Variants in RAB11FIP3 observed in about 807,000 individuals in gnomAD.
RAB11FIP3 encodes rab11 family-interacting protein 3.
Under a neutral mutation model 77.8 loss-of-function variants are expected in RAB11FIP3, and 17 were observed. The ratio of observed to expected loss-of-function variants is 0.22; its 90% confidence interval spans 0.15 to 0.33. The LOEUF (loss-of-function observed/expected upper bound fraction) is 0.33. Ranked by LOEUF, RAB11FIP3 falls within the 10% of genes least tolerant of loss-of-function variation. The pLI, the probability that RAB11FIP3 is intolerant of heterozygous loss-of-function variation, is 1.00. For missense variants in RAB11FIP3, 1,005 were observed against 1,011.2 expected (o/e 0.99, Z 0.08); for synonymous variants, 437 against 448.2 (o/e 0.98, Z 0.31).
Position 522,993 on chromosome 16 carries a change from A to G in RAB11FIP3, c.*2154A>G, listed in dbSNP as rs1192039054. 1 of 152,330 alleles carries G rather than the reference A, an allele frequency of 6.6e-6. No individual in the cohort carries two copies. Among genetic ancestry groups the G allele is most frequent in the Non-Finnish European group, 1.5e-5 (1 of 68,138 alleles). 9.4% of individuals were successfully genotyped at this position (152,330 alleles called of 1,614,324 possible). A position where few individuals can be genotyped will look rare whatever the true frequency, so the allele number is the denominator to read the frequency against. The stretch of plus-strand genomic sequence containing the variant: ...AACATAGCAAGGCCCCATCTCTAAA[A>G]AATAAAAAATTAACCAGGCATTGTG... On this transcript the variant is annotated 3_prime_UTR_variant, in exon 14 of 14. Transcript: ENST00000262305.
intron 9 of RAB11FIP3, among the ~76,000 whole-genome samples, chr16:511,359 C>T (rs1208216466): frequency 9.4e-6 from 1 of 106,822 alleles, no homozygotes; most frequent in South Asian, 3.7e-4. Flanking sequence ...ACGGCCCGCC[C>T]ACCCCAGAAA....
At position 502,640 on chromosome 16, in the gene RAB11FIP3, C is replaced by T. The variant is rs555080669; in HGVS notation, c.1302-364C>T. ...ATGTCTCACAGGCCTCTGGTAGAGA[C>T]GAGATTGTTCGTGTCTCTGCGAAGA... On this transcript the variant is annotated intron_variant, in intron 6 of 13. Transcript: ENST00000262305. 3.1e-4 allele frequency: 97 copies of T among 312,606 alleles called. 1 individual carries two copies. The highest frequency in any genetic ancestry group is 2.8e-3 in the South Asian group (87 of 30,558). 19.4% of individuals were successfully genotyped at this position (312,606 alleles called of 1,614,324 possible). A position where few individuals can be genotyped will look rare whatever the true frequency, so the allele number is the denominator to read the frequency against.
Position 520,943 on chromosome 16 carries a change from GC to G in RAB11FIP3, c.*107del. 1 of 952,930 alleles carries G rather than the reference GC, an allele frequency of 1.0e-6. No individual in the cohort carries two copies. The highest frequency in any genetic ancestry group is 1.7e-6 in the Non-Finnish European group (1 of 597,438). 59.0% of individuals were successfully genotyped at this position (952,930 alleles called of 1,614,324 possible). ...ACCAGCAGGTCCCACAGCCGACAGT[GC>G]CCAGAGCATGCAGGGAACCCTCGTG... On this transcript the variant is annotated 3_prime_UTR_variant, in exon 14 of 14. Coordinates refer to ENST00000262305, the MANE Select transcript of RAB11FIP3 (RefSeq NM_014700.4).
intron 1 of RAB11FIP3, among the ~76,000 whole-genome samples, chr16:451,814 G>A (rs1033004542): frequency 1.3e-5 from 2 of 151,624 alleles, no homozygotes; most frequent in African/African-American, 2.4e-5. Context: ...CAGTCTGGGC[G>A]ACAGAGCAAG....
At chr16:458,009 G>C (rs950111266) in intron 1 of RAB11FIP3, among the ~76,000 whole-genome samples, 5 of 152,256 alleles carry the variant, frequency 3.3e-5, no homozygotes, top group Non-Finnish European at 7.3e-5. Context: ...CTAGCACACA[G>C]AGCCCTAGGA....
At chr16:458,620 A>ACAGGG (rs2055548157) in intron 1 of RAB11FIP3, among the ~76,000 whole-genome samples, 26 of 151,908 alleles carry the variant, frequency 1.7e-4, no homozygotes, top group Non-Finnish European at 2.4e-4. Context: ...ACCGATGCTC[A>ACAGGG]TCTGCCGTAA....
intron 1 of RAB11FIP3, among the ~76,000 whole-genome samples, chr16:453,219 T>C (rs375953702): frequency 8.1e-5 from 12 of 147,630 alleles, no homozygotes; most frequent in African/African-American, 2.3e-4. Context: ...GGACTACAGG[T>C]GCCCGCCACC....
chr16:508,589 G>C (rs942408440), intron 8 of RAB11FIP3, among the ~76,000 whole-genome samples: 2 of 152,162 alleles, frequency 1.3e-5, no homozygotes, highest in African/African-American at 4.8e-5. Context: ...GGCCAGGCCG[G>C]TGTTGAACTC....
chr16:453,934 T>C (rs536138944), intron 1 of RAB11FIP3, among the ~76,000 whole-genome samples: 12 of 111,560 alleles, frequency 1.1e-4, no homozygotes, highest in Non-Finnish European at 1.5e-4. Flanking sequence ...AAAACTGAGC[T>C]GCCAGTGAGC....
intron 6 of RAB11FIP3, among the ~76,000 whole-genome samples, chr16:500,688 A>C (rs1241825753): frequency 6.2e-5 from 3 of 48,392 alleles, no homozygotes; most frequent in Non-Finnish European, 1.2e-4. Context: ...ACTCTGTCGC[A>C]AAAAAAAAAA....
In RAB11FIP3 at chr16:425,790, C is replaced by G. The variant is rs1224486306; in HGVS notation, c.-217C>G. Reference sequence around the variant, plus strand: ...CGCCCTCCCTAGGCCGCCCCGCCGCCATGGGCCTGCGCCCGCCGCGCCGCC... The same window carrying G: ...CGCCCTCCCTAGGCCGCCCCGCCGCGATGGGCCTGCGCCCGCCGCGCCGCC... On this transcript the variant is annotated 5_prime_UTR_variant, in exon 1 of 14. Coordinates refer to ENST00000262305, the MANE Select transcript of RAB11FIP3 (RefSeq NM_014700.4). 3.0e-6 allele frequency: 1 copy of G among 336,434 alleles called. No homozygotes were observed. Among genetic ancestry groups the G allele is most frequent in the Non-Finnish European group, 5.4e-6 (1 of 186,350 alleles). The allele number at this position is 336,434 out of a possible 1,614,324, so 20.8% of individuals were successfully genotyped here. A position where few individuals can be genotyped will look rare whatever the true frequency, so the allele number is the denominator to read the frequency against.
In RAB11FIP3 at chr16:471,186, A is replaced by C. The variant is rs2055801564; in HGVS notation, c.809-109A>C. The C allele has an allele frequency of 1.1e-6, 1 of 877,214 alleles. No individual in the cohort carries two copies. Among genetic ancestry groups the C allele is most frequent in the Non-Finnish European group, 1.8e-6 (1 of 544,988 alleles). The allele number at this position is 877,214 out of a possible 1,614,324, so 54.3% of individuals were successfully genotyped here. A position where few individuals can be genotyped will look rare whatever the true frequency, so the allele number is the denominator to read the frequency against. On this transcript the variant is annotated intron_variant, in intron 2 of 13. Transcript: ENST00000262305. This position sits in a 1 kb window ranked among gnomAD's most constrained non-coding sequence, Gnocchi z 4.4. ...ACCCCCCCCAGGGCCCCCAACTCCC[A>C]CACATCTGTCCCTGGGGGCCTCCTT... is the stretch of plus-strand genomic sequence containing the variant.
rs370740114 is a variant in RAB11FIP3, at chr16:471,169, C to G, written c.809-126C>G. The G allele has an allele frequency of 1.4e-5, 10 of 740,708 alleles. No individual in the cohort carries two copies. The Admixed American group carries it at 2.1e-4, about 16-fold the overall frequency. The allele number at this position is 740,708 out of a possible 1,614,324, so 45.9% of individuals were successfully genotyped here. A position where few individuals can be genotyped will look rare whatever the true frequency, so the allele number is the denominator to read the frequency against. ...CTCCCTTGCTTGTCTTGACCCCCCCCAGGGCCCCCAACTCCCACACATCTG... is the reference window on the plus strand; with the variant it reads ...CTCCCTTGCTTGTCTTGACCCCCCCGAGGGCCCCCAACTCCCACACATCTG... On this transcript the variant is annotated intron_variant, in intron 2 of 13. Transcript: ENST00000262305. This position sits in a 1 kb window ranked among gnomAD's most constrained non-coding sequence, Gnocchi z 4.4.
intron 1 of RAB11FIP3, among the ~76,000 whole-genome samples, chr16:460,260 C>G (rs1205721141): frequency 6.6e-6 from 1 of 152,134 alleles, no homozygotes; most frequent in Admixed American, 6.5e-5. Context: ...CAAATACTTT[C>G]TCCCAGTCAG....
In RAB11FIP3 at chr16:438,100, C is replaced by T. The variant is rs549688942; in HGVS notation, c.714+11380C>T. On this transcript the variant is annotated intron_variant, in intron 1 of 13. Transcript: ENST00000262305. ...CTGGGATTACAGGCATCAGCCACTG[C>T]GCCTGGCCTTCCCCCACCTCCTCCT... Among the ~76,000 whole-genome samples the T allele has an allele frequency of 5.3e-5, 8 of 151,318 alleles. No individual in the cohort carries two copies. In the East Asian group the frequency reaches 7.9e-4, roughly 15 times the overall value.
rs913651119 is a variant in RAB11FIP3 at position 472,520 on chromosome 16, C to A, written c.903+1131C>A. Among the ~76,000 whole-genome samples the A allele has an allele frequency of 6.6e-6, 1 of 152,208 alleles. No individual in the cohort carries two copies. Among genetic ancestry groups the A allele is most frequent in the Non-Finnish European group, 1.5e-5 (1 of 68,040 alleles). On this transcript the variant is annotated intron_variant, in intron 3 of 13. Coordinates refer to ENST00000262305, the MANE Select transcript of RAB11FIP3 (RefSeq NM_014700.4). The surrounding 1 kb of genome is among the most constrained non-coding windows in gnomAD (Gnocchi z 4.1). ...TGCTGGGAGACCCCAGGACTACAGA[C>A]GGTGGCTCCTGTGCCCTGAGAAGGA...
At chr16:499,253 C>T (rs948321649) in intron 6 of RAB11FIP3, among the ~76,000 whole-genome samples, 1 of 152,098 alleles carries the variant, frequency 6.6e-6, no homozygotes, top group African/African-American at 2.4e-5. Flanking sequence ...CTCTTAGGAA[C>T]GTGACGTGCA....
intron 6 of RAB11FIP3, among the ~76,000 whole-genome samples, chr16:502,180 G>A (rs2031569426): frequency 6.6e-6 from 1 of 152,284 alleles, no homozygotes; most frequent in Non-Finnish European, 1.5e-5. Context: ...TGTACTCCCG[G>A]CAAGTTTGGG....
At chr16:475,620 G>T (rs2055889598) in intron 3 of RAB11FIP3, among the ~76,000 whole-genome samples, 1 of 152,208 alleles carries the variant, frequency 6.6e-6, no homozygotes, top group Admixed American at 6.5e-5. Flanking sequence ...GTGAGCAGGT[G>T]GGGTGGCTCC....
Sources: allele counts gnomAD v4.1 joint callset (sites outside exome capture counted in the v4.1 genomes callset), GRCh38; gene constraint gnomAD v4.1.1; non-coding constraint Gnocchi (gnomAD v3.1); transcripts MANE v1.5; gene names NCBI Gene and HGNC (gene_info 2026-07-23, HGNC 2026-07-21).